CFAP47: variants seen among roughly 807,000 people sequenced by gnomAD.
CFAP47 encodes cilia and flagella associated protein 47.
In CFAP47, 29 loss-of-function variants were observed where a neutral mutation model predicts 148.1. The ratio of observed to expected loss-of-function variants is 0.20; its 90% CI spans 0.15 to 0.27. CFAP47 has a LOEUF of 0.27. CFAP47 is among the 10% of genes least tolerant of loss of function. CFAP47 has a pLI of 1.00. For synonymous variants in CFAP47, 664 were observed against 577.3 expected, an observed-to-expected ratio of 1.15 and a Z score of -2.15; for missense variants, 1,872 against 1,697.5, an observed-to-expected ratio of 1.10 and a Z score of -1.81.
At chrX:36,248,496 T>TCTCACACACA (rs1336114947) in intron 48 of CFAP47, among the ~76,000 whole-genome samples, 1 of 95,475 alleles carries the variant, frequency 1.0e-5, no homozygotes, top group Admixed American at 1.2e-4. Flanking sequence ...ACATATTATA[T>TCTCACACACA]CACACACACA....
intron 45 of CFAP47, among the ~76,000 whole-genome samples, chrX:36,216,146 C>T (rs1940157136): frequency 1.8e-5 from 2 of 112,195 alleles, no homozygotes; most frequent in East Asian, 2.8e-4. Context: ...TGTCAGTGTA[C>T]GTTTTATTCA....
intron 39 of CFAP47, among the ~76,000 whole-genome samples, chrX:36,171,124 G>A (rs1389582396): frequency 2.2e-3 from 238 of 109,723 alleles, no homozygotes; most frequent in African/African-American, 7.5e-3. Flanking sequence ...CATGTCCTTT[G>A]CCCACTTTTT....
chrX:36,335,170 T>C (rs1334560531), intron 57 of CFAP47, among the ~76,000 whole-genome samples: 1 of 111,275 alleles, frequency 9.0e-6, no homozygotes, highest in Non-Finnish European at 1.9e-5. Context: ...CAAAATACTT[T>C]GTCCTTCGGT....
At chrX:36,127,576 GTC>G (rs764735497) in intron 33 of CFAP47, among the ~76,000 whole-genome samples, 101 of 111,479 alleles carry the variant, frequency 9.1e-4, no homozygotes, top group Non-Finnish European at 1.7e-3. Context: ...TGGCTATGCG[GTC>G]TCTTTTTTGG....
chrX:36,274,958 C>T (rs1456636005), intron 49 of CFAP47, among the ~76,000 whole-genome samples: 1 of 111,771 alleles, frequency 8.9e-6, no homozygotes. Flanking sequence ...TATGATGTTA[C>T]GTGTGAGTTT....
chrX:36,242,244 T>A (rs1428684041), intron 48 of CFAP47, among the ~76,000 whole-genome samples: 2 of 111,979 alleles, frequency 1.8e-5, no homozygotes, highest in Non-Finnish European at 3.8e-5. Context: ...TGCAAGAACT[T>A]TGGCAATTCG....
rs905506822 is a variant in CFAP47 at position 36,085,974 on chromosome X, C to A, written c.4916+436C>A. On this transcript the variant is annotated intron_variant, in intron 30 of 63. Transcript: ENST00000378653. ...TCATTTTGAAAATCCTGGTCTACAG[C>A]AAATACATAAATCCATTTAGCTAAA... 2.3e-4 allele frequency among the ~76,000 whole-genome samples: 26 copies of A among 111,009 alleles called. No individual in the cohort carries two copies. In the Admixed American group the frequency reaches 2.4e-3, roughly 10 times the overall value.
intron 21 of CFAP47, among the ~76,000 whole-genome samples, chrX:36,007,804 T>A (rs1936997268): frequency 8.9e-6 from 1 of 111,967 alleles, no homozygotes. Flanking sequence ...AAGGCAGGGA[T>A]TAACCCTTAG....
In CFAP47 at chrX:35,967,637, G is replaced by C. The variant is rs144671147; in HGVS notation, c.1619G>C (p.Arg540Pro). The C allele has an allele frequency of 1.7e-6, 2 of 1,206,414 alleles. No homozygotes were observed. The highest frequency in any genetic ancestry group is 2.2e-6 in the Non-Finnish European group (2 of 891,963). ...ATAAAAGGTATATTGCCTTCGATCC[G>C]TAATCCCACGGGAAAGTTTGTGGTC... ...KFDPGILPSI[R>P]NPTGKFVVKD... The change falls in exon 10 of 64, where the codon CGT (arginine) becomes CCT (proline). Residue 540 changes from arginine to proline, a missense_variant. Coordinates refer to ENST00000378653, the MANE Select transcript of CFAP47 (RefSeq NM_001304548.2).
Position 36,000,642 on chromosome X carries a change from C to T in CFAP47, c.3322+215C>T, listed in dbSNP as rs1382199148. Among the ~76,000 whole-genome samples, 8 of 111,292 alleles carry T rather than the reference C, an allele frequency of 7.2e-5. No individual in the cohort carries two copies. In the East Asian group the frequency reaches 1.7e-3, roughly 24 times the overall value. The stretch of plus-strand genomic sequence containing the variant: ...CAAAACACTTTGGTAATACATGAAA[C>T]GTAACCGTTCTTATTAGTGTGTTAA... On this transcript the variant is annotated intron_variant, in intron 20 of 63. Coordinates refer to ENST00000378653, the MANE Select transcript of CFAP47 (RefSeq NM_001304548.2).
chrX:36,073,988 G>A (rs149673063), intron 29 of CFAP47, among the ~76,000 whole-genome samples: 4 of 111,694 alleles, frequency 3.6e-5, no homozygotes, highest in Admixed American at 2.9e-4. Context: ...CTGCAACCAC[G>A]GCAGGGAGTA....
chrX:36,235,918 CT>C lies in CFAP47; in HGVS notation c.7015-11del. ...TATCATCTCTCTGATATTTCTGTAC[CT>C]TTTTCATGCTTTAGAAAAATCAAAC... On this transcript the variant is annotated splice_polypyrimidine_tract_variant and intron_variant, in intron 46 of 63. Coordinates refer to ENST00000378653, the MANE Select transcript of CFAP47 (RefSeq NM_001304548.2). 4 of 456,568 alleles carry C rather than the reference CT, an allele frequency of 8.8e-6. No individual in the cohort carries two copies. Among genetic ancestry groups the C allele is most frequent in the South Asian group, 3.8e-5 (1 of 26,221 alleles). 37.6% of individuals were successfully genotyped at this position (456,568 alleles called of 1,213,427 possible). A position where few individuals can be genotyped will look rare whatever the true frequency, so the allele number is the denominator to read the frequency against.
At chrX:36,183,261 G>A (rs1476021542) in intron 40 of CFAP47, among the ~76,000 whole-genome samples, 2 of 111,203 alleles carry the variant, frequency 1.8e-5, no homozygotes, top group African/African-American at 3.3e-5. Flanking sequence ...AGAGGTTGCA[G>A]TGAGATGAGA....
At chrX:35,926,559 T>A (rs1234326612) in intron 2 of CFAP47, among the ~76,000 whole-genome samples, 1 of 112,293 alleles carries the variant, frequency 8.9e-6, no homozygotes, top group Non-Finnish European at 1.9e-5. Context: ...GCTAAGTGAC[T>A]GACTTGGTTG....
intron 21 of CFAP47, among the ~76,000 whole-genome samples, chrX:36,005,480 G>A (rs1433304020): frequency 9.0e-6 from 1 of 111,535 alleles, no homozygotes; most frequent in Non-Finnish European, 1.9e-5. Context: ...ACATATTTGT[G>A]CATTTACCTA....
chrX:36,155,968 T>C (rs1248542573), intron 37 of CFAP47, among the ~76,000 whole-genome samples: 2 of 111,145 alleles, frequency 1.8e-5, no homozygotes, highest in African/African-American at 3.3e-5. Flanking sequence ...TAGAACTAGA[T>C]GAAAACTGAA....
At chrX:36,255,700 T>C (rs1247790192) in intron 49 of CFAP47, among the ~76,000 whole-genome samples, 1 of 111,454 alleles carries the variant, frequency 9.0e-6, no homozygotes, top group East Asian at 2.8e-4. Context: ...TTGTATTTGA[T>C]GAAAATTGAA....
At chrX:36,129,382 A>T (rs1938904336) in intron 33 of CFAP47, among the ~76,000 whole-genome samples, 1 of 110,610 alleles carries the variant, frequency 9.0e-6, no homozygotes, top group East Asian at 2.8e-4. Flanking sequence ...AAAATATTTT[A>T]CTTAATTTCC....
chrX:36,052,521 A>G (rs1472355372), intron 26 of CFAP47, among the ~76,000 whole-genome samples: 4 of 107,134 alleles, frequency 3.7e-5, no homozygotes, highest in Admixed American at 9.7e-5. Context: ...TAGAGATAAA[A>G]CTCATAGACT....
Sources: allele counts gnomAD v4.1 joint callset (sites outside exome capture counted in the v4.1 genomes callset), GRCh38; gene constraint gnomAD v4.1.1; transcripts MANE v1.5; gene names NCBI Gene and HGNC (gene_info 2026-07-23, HGNC 2026-07-21).